Variants in EPAS1 observed in about 807,000 individuals in gnomAD.
EPAS1 encodes the protein endothelial PAS domain protein 1.
Under a neutral mutation model 87.9 loss-of-function variants are expected in EPAS1, and 23 were observed. That is an observed-to-expected ratio of 0.26 (90% CI 0.19 to 0.37). The LOEUF is 0.37. Ranked by LOEUF, EPAS1 falls within the 10% of genes least tolerant of loss-of-function variation. The pLI is 1.00. For missense variants in EPAS1, 1,138 were observed against 1,120.7 expected, an observed-to-expected ratio of 1.02 and a Z score of -0.22; for synonymous variants, 508 against 444.3, an observed-to-expected ratio of 1.14 and a Z score of -1.80.
intron 1 of EPAS1, among the ~76,000 whole-genome samples, chr2:46,324,507 G>C (rs1415322202): frequency 6.6e-6 from 1 of 152,224 alleles, no homozygotes; most frequent in Admixed American, 6.5e-5. Flanking sequence ...GCTGGAGGTA[G>C]GGAACAGTAA....
At chr2:46,337,999 T>C (rs1450652519) in intron 1 of EPAS1, among the ~76,000 whole-genome samples, 6 of 152,170 alleles carry the variant, frequency 3.9e-5, no homozygotes, top group Admixed American at 3.3e-4. Flanking sequence ...CAAGTGTATG[T>C]TTCAAAAAGC....
intron 1 of EPAS1, among the ~76,000 whole-genome samples, chr2:46,332,273 G>GA (rs10566727): frequency 0.017 from 2,267 of 135,686 alleles, 155 homozygotes; most frequent in African/African-American, 0.059. Context: ...GTGTTTCACA[G>GA]AAAAAAAAAA....
At chr2:46,364,895 A>G (rs1684470325) in intron 6 of EPAS1, among the ~76,000 whole-genome samples, 1 of 152,238 alleles carries the variant, frequency 6.6e-6, no homozygotes, top group African/African-American at 2.4e-5. Context: ...ATCAAAGTAA[A>G]AGAGATGATT....
intron 1 of EPAS1, among the ~76,000 whole-genome samples, chr2:46,302,823 C>T (rs1278507008): frequency 1.3e-5 from 2 of 151,690 alleles, no homozygotes; most frequent in Admixed American, 6.6e-5. Flanking sequence ...CCTGTAATCC[C>T]AGCACTTTGA....
chr2:46,372,283 C>T (rs115284762), intron 7 of EPAS1, among the ~76,000 whole-genome samples: 44 of 152,294 alleles, frequency 2.9e-4, no homozygotes, highest in East Asian at 7.7e-4. Context: ...AGTTATGACA[C>T]GAGCTTGCCC....
chr2:46,354,713 C>A (rs1684236716), intron 2 of EPAS1, among the ~76,000 whole-genome samples: 1 of 152,048 alleles, frequency 6.6e-6, no homozygotes, highest in South Asian at 2.1e-4. Flanking sequence ...ATTCTGTACG[C>A]CATTGCCAGA....
Position 46,360,980 on chromosome 2 carries a change from C to T in EPAS1, c.669C>T (p.Ile223=). The T allele has an allele frequency of 6.2e-7, 1 of 1,614,208 alleles. No individual in the cohort carries two copies. Among genetic ancestry groups the T allele is most frequent in the East Asian group, 2.2e-5 (1 of 44,882 alleles). ...GYKEPLLSCL[I]IMCEPIQHPS... is the part of the protein sequence containing the mutation. ...AGGAGCCCCTGCTGTCCTGCCTCAT[C>T]ATCATGTGTGAACCAATCCAGCACC... Residue 223 remains isoleucine, a synonymous_variant, in exon 6 of 16, where the codon ATC becomes ATT. Transcript: ENST00000263734. This position sits in a 1 kb window ranked among gnomAD's most constrained non-coding sequence, Gnocchi z 4.5.
At position 46,327,113 on chromosome 2, in the gene EPAS1, G is replaced by T. The variant is rs565820562; in HGVS notation, c.27-19760G>T. On this transcript the variant is annotated intron_variant, in intron 1 of 15. Coordinates refer to ENST00000263734, the MANE Select transcript of EPAS1 (RefSeq NM_001430.5). ...TTGAGCTAGTGACTTACAACCTCCA[G>T]GTCTCAGTTTCCTCATCTGTACAAT... Among the ~76,000 whole-genome samples the T allele has an allele frequency of 3.3e-5, 5 of 152,296 alleles. No homozygotes were observed. In the East Asian group the frequency reaches 7.7e-4, roughly 23 times the overall value.
At chr2:46,314,431 T>C (rs1446407333) in intron 1 of EPAS1, among the ~76,000 whole-genome samples, 2 of 152,226 alleles carry the variant, frequency 1.3e-5, no homozygotes, top group East Asian at 1.9e-4. Flanking sequence ...GCCCCATTTC[T>C]ACCCAGCCCT....
chr2:46,332,273 GAAAAAAAAA>G (rs10566727), intron 1 of EPAS1, among the ~76,000 whole-genome samples: 1 of 135,668 alleles, frequency 7.4e-6, no homozygotes, highest in Non-Finnish European at 1.6e-5. Flanking sequence ...GTGTTTCACA[GAAAAAAAAA>G]AAAAAATACG....
intron 3 of EPAS1, 147 bp downstream of exon 3, chr2:46,356,449 GC>G: frequency 9.8e-7 from 1 of 1,020,072 alleles, no homozygotes; most frequent in Non-Finnish European, 1.5e-6. Context: ...CACGCCTCAG[GC>G]CACGCTCCCA....
intron 14 of EPAS1, 129 bp downstream of exon 14, chr2:46,382,218 G>A (rs1021740468): frequency 8.5e-6 from 9 of 1,054,094 alleles, no homozygotes; most frequent in South Asian, 1.3e-5. Flanking sequence ...AGAATGGGGC[G>A]ATGTCCTCTG....
chr2:46,340,791 A>G (rs1683896587), intron 1 of EPAS1, among the ~76,000 whole-genome samples: 1 of 152,178 alleles, frequency 6.6e-6, no homozygotes, highest in Non-Finnish European at 1.5e-5. Flanking sequence ...GCAGTGGTGC[A>G]TGGCTCACTG....
rs868602069 is a variant in EPAS1 at position 46,328,037 on chromosome 2, C to G, written c.27-18836C>G. On this transcript the variant is annotated intron_variant, in intron 1 of 15. Transcript: ENST00000263734. ...CTTAGGTTTTGAGAAAACTTGGCAA[C>G]AGCCTCAAATTTTTCTTCCAGTCTA... 4.6e-5 allele frequency among the ~76,000 whole-genome samples: 7 copies of G among 152,340 alleles called. No homozygotes were observed. In the South Asian group the frequency reaches 6.2e-4, roughly 14 times the overall value.
At chr2:46,339,872 T>G (rs1683874740) in intron 1 of EPAS1, among the ~76,000 whole-genome samples, 1 of 152,330 alleles carries the variant, frequency 6.6e-6, no homozygotes, top group African/African-American at 2.4e-5. Flanking sequence ...CCCCTGGGCC[T>G]CCTTTGCGAG....
At chr2:46,310,913 G>A (rs932236426) in intron 1 of EPAS1, among the ~76,000 whole-genome samples, 1 of 152,092 alleles carries the variant, frequency 6.6e-6, no homozygotes, top group African/African-American at 2.4e-5. Flanking sequence ...GTCTCGCTCT[G>A]TTGCCCAGGC....
chr2:46,357,402 G>T (rs939505193), intron 4 of EPAS1, among the ~76,000 whole-genome samples: 1 of 152,150 alleles, frequency 6.6e-6, no homozygotes, highest in Admixed American at 6.5e-5. Context: ...CAACAGGACT[G>T]TTCTCTCACT....
chr2:46,339,000 G>C (rs182285288), intron 1 of EPAS1, among the ~76,000 whole-genome samples: 209 of 152,312 alleles, frequency 1.4e-3, no homozygotes, highest in African/African-American at 4.8e-3. Context: ...ATTGTAAGAA[G>C]TAAGCAATAC....
At chr2:46,373,879 T>C (rs1478157034) in intron 7 of EPAS1, among the ~76,000 whole-genome samples, 1 of 152,352 alleles carries the variant, frequency 6.6e-6, no homozygotes, top group East Asian at 1.9e-4. Context: ...ACTGAGGTGG[T>C]CTTTCAGCAA....
Sources: allele counts gnomAD v4.1 joint callset (sites outside exome capture counted in the v4.1 genomes callset), GRCh38; gene constraint gnomAD v4.1.1; non-coding constraint Gnocchi (gnomAD v3.1); transcripts MANE v1.5; gene names NCBI Gene and HGNC (gene_info 2026-07-23, HGNC 2026-07-21).